ATP8A2: variants seen among roughly 807,000 people sequenced by gnomAD.
ATP8A2 encodes ATPase phospholipid transporting 8A2, also known as phospholipid-transporting ATPase IB.
ATP8A2 carries 100 observed loss-of-function variants against 165.6 expected under a neutral mutation model. The observed-to-expected ratio is 0.60, with a 90% CI of 0.51 to 0.71. ATP8A2 has a LOEUF of 0.71. ATP8A2 is among the 30% of genes least tolerant of loss of function. The pLI is 0.00. For synonymous variants in ATP8A2, 543 were observed against 548.8 expected, an observed-to-expected ratio of 0.99 and a Z score of 0.15; for missense variants, 1,227 against 1,479.5, an observed-to-expected ratio of 0.83 and a Z score of 2.80.
intron 4 of ATP8A2, among the ~76,000 whole-genome samples, chr13:25,531,767 G>T (rs567949788): frequency 1.0e-3 from 159 of 152,178 alleles, no homozygotes; most frequent in African/African-American, 3.7e-3. Context: ...CAGGTTATGT[G>T]CATAAAGTGA....
intron 2 of ATP8A2, among the ~76,000 whole-genome samples, chr13:25,471,478 G>A (rs1428937144): frequency 1.3e-5 from 2 of 152,108 alleles, no homozygotes; most frequent in African/African-American, 4.8e-5. Context: ...AGCCTCCCAG[G>A]TAGCTGGGAT....
At chr13:25,872,928 G>A (rs1952716253) in intron 33 of ATP8A2, among the ~76,000 whole-genome samples, 2 of 151,344 alleles carry the variant, frequency 1.3e-5, no homozygotes, top group African/African-American at 4.9e-5. Context: ...AATCTCTGAA[G>A]TCCAGTGTGT....
At chr13:26,012,031 G>A (rs1956858656) in intron 35 of ATP8A2, among the ~76,000 whole-genome samples, 1 of 151,730 alleles carries the variant, frequency 6.6e-6, no homozygotes, top group Non-Finnish European at 1.5e-5. Context: ...TTCAGGAAAG[G>A]CAGGGACTGC....
intron 24 of ATP8A2, among the ~76,000 whole-genome samples, chr13:25,636,815 G>T (rs1405946044): frequency 1.3e-5 from 2 of 152,140 alleles, no homozygotes; most frequent in Non-Finnish European, 2.9e-5. Flanking sequence ...TATTGTGGCT[G>T]GGTGTGGTAC....
intron 25 of ATP8A2, among the ~76,000 whole-genome samples, chr13:25,742,701 G>A (rs1247555128): frequency 7.7e-6 from 1 of 129,808 alleles, no homozygotes; most frequent in Non-Finnish European, 1.6e-5. Context: ...TTTTTTTATG[G>A]TAAATCTTTT....
At chr13:25,455,976 G>A (rs971993432) in intron 1 of ATP8A2, among the ~76,000 whole-genome samples, 11 of 152,134 alleles carry the variant, frequency 7.2e-5, no homozygotes, top group African/African-American at 2.4e-4. Context: ...GAGCTAGGAA[G>A]GTCTTTCTTT....
At chr13:25,735,435 A>G (rs967651385) in intron 25 of ATP8A2, among the ~76,000 whole-genome samples, 16 of 151,856 alleles carry the variant, frequency 1.1e-4, no homozygotes, top group African/African-American at 1.9e-4. Context: ...AATTTTTTAA[A>G]CTTTTTGTAG....
intron 30 of ATP8A2, among the ~76,000 whole-genome samples, chr13:25,854,443 C>T (rs1028060365): frequency 1.3e-5 from 2 of 152,166 alleles, no homozygotes; most frequent in Admixed American, 1.3e-4. Context: ...TTAAGGAATC[C>T]TCCCACATAG....
At chr13:25,976,655 C>T (rs1231865065) in intron 35 of ATP8A2, among the ~76,000 whole-genome samples, 1 of 151,948 alleles carries the variant, frequency 6.6e-6, no homozygotes, top group African/African-American at 2.4e-5. Flanking sequence ...TCTTTTAGAT[C>T]CCTACATGTA....
intron 2 of ATP8A2, among the ~76,000 whole-genome samples, chr13:25,480,438 A>T (rs2036144926): frequency 7.1e-6 from 1 of 140,758 alleles, no homozygotes; most frequent in Non-Finnish European, 1.5e-5. Context: ...CCCTTCTCAG[A>T]TGGGGCGGCT....
At chr13:25,974,834 C>G (rs537847371) in intron 35 of ATP8A2, among the ~76,000 whole-genome samples, 1 of 152,110 alleles carries the variant, frequency 6.6e-6, no homozygotes, top group Non-Finnish European at 1.5e-5. Flanking sequence ...GCACAGTCAT[C>G]CCCCCTGGTC....
At chr13:25,581,413 C>T (rs2039774103) in intron 22 of ATP8A2, among the ~76,000 whole-genome samples, 1 of 152,164 alleles carries the variant, frequency 6.6e-6, no homozygotes, top group South Asian at 2.1e-4. Context: ...TCTCTTACTC[C>T]TATTTTGCCA....
intron 13 of ATP8A2, among the ~76,000 whole-genome samples, chr13:25,555,544 G>A (rs1165114646): frequency 6.6e-6 from 1 of 152,152 alleles, no homozygotes; most frequent in Non-Finnish European, 1.5e-5. Flanking sequence ...CCTTTACTAA[G>A]TTGGGCTTTG....
At chr13:25,536,677 A>G (rs2038296591) in intron 6 of ATP8A2, among the ~76,000 whole-genome samples, 1 of 152,208 alleles carries the variant, frequency 6.6e-6, no homozygotes, top group Non-Finnish European at 1.5e-5. Flanking sequence ...GAATAGTAAC[A>G]TGGCTAGAAT....
intron 24 of ATP8A2, among the ~76,000 whole-genome samples, chr13:25,668,420 A>G (rs1026488933): frequency 6.6e-6 from 1 of 152,136 alleles, no homozygotes; most frequent in Non-Finnish European, 1.5e-5. Flanking sequence ...CTTGTGTATA[A>G]TAAGTTGCCT....
At chr13:25,969,041 CAAGGATGA>C (rs1955854104) in intron 35 of ATP8A2, among the ~76,000 whole-genome samples, 3 of 152,166 alleles carry the variant, frequency 2.0e-5, no homozygotes, top group Admixed American at 2.0e-4. Flanking sequence ...GTACTGTACC[CAAGGATGA>C]GTATCTACAG....
chr13:25,828,941 C>T (rs1160668564), intron 28 of ATP8A2, among the ~76,000 whole-genome samples: 3 of 152,154 alleles, frequency 2.0e-5, no homozygotes, highest in African/African-American at 7.2e-5. Context: ...TGCCTTCAAT[C>T]CTAACTCTGC....
At chr13:26,003,875 A>G (rs984910640) in intron 35 of ATP8A2, among the ~76,000 whole-genome samples, 4 of 151,980 alleles carry the variant, frequency 2.6e-5, no homozygotes, top group Admixed American at 6.6e-5. Flanking sequence ...CCGTTGGTCA[A>G]TGCATCTGTT....
chr13:25,638,107 A>G (rs1375638323), intron 24 of ATP8A2, among the ~76,000 whole-genome samples: 2 of 152,214 alleles, frequency 1.3e-5, no homozygotes, highest in East Asian at 3.9e-4. Context: ...CCCCATCTGT[A>G]TGTCACCATC....
Sources: allele counts gnomAD v4.1 joint callset (sites outside exome capture counted in the v4.1 genomes callset), GRCh38; gene constraint gnomAD v4.1.1; transcripts MANE v1.5; gene names NCBI Gene and HGNC (gene_info 2026-07-23, HGNC 2026-07-21).